Variants in ACOXL observed in about 807,000 individuals in gnomAD.
ACOXL encodes the protein acyl-CoA oxidase like, also known as acyl-coenzyme A oxidase-like protein.
A neutral mutation model predicts 71.9 loss-of-function variants in ACOXL; 70 were observed. The observed-to-expected ratio is 0.97, with a 90% CI of 0.80 to 1.19. The LOEUF is 1.19. ACOXL is among the 50% of genes most tolerant of loss of function. The pLI is 0.00. For synonymous variants in ACOXL, 253 were observed against 281.6 expected, an observed-to-expected ratio of 0.90 and a Z score of 1.02; for missense variants, 703 against 736.3, an observed-to-expected ratio of 0.95 and a Z score of 0.52.
At chr2:110,934,424 G>C (rs2060589219) in intron 12 of ACOXL, among the ~76,000 whole-genome samples, 1 of 152,222 alleles carries the variant, frequency 6.6e-6, no homozygotes, top group East Asian at 1.9e-4. Context: ...AATGGAAGGA[G>C]GGAGCCCCTG....
intron 16 of ACOXL, among the ~76,000 whole-genome samples, chr2:111,078,977 G>T (rs569225949): frequency 6.6e-6 from 1 of 152,146 alleles, no homozygotes; most frequent in Non-Finnish European, 1.5e-5. Flanking sequence ...GCTATGTTCC[G>T]TGTATGCACC....
In ACOXL at chr2:110,768,513, T is replaced by A. The variant is rs7561804; in HGVS notation, c.75+49T>A. The A allele has an allele frequency of 2.4e-3, 2,211 of 924,210 alleles. 1 individual carries two copies. Among genetic ancestry groups the A allele is most frequent in the South Asian group, 6.5e-3 (375 of 57,338 alleles). The allele number at this position is 924,210 out of a possible 1,614,324, so 57.3% of individuals were successfully genotyped here. ...ATGGTTGTGTGTGTGTGTGTGTGTG[T>A]GAGAGAGAGAGAGAGAGAGAGAGAG... is the stretch of plus-strand genomic sequence containing the variant. On this transcript the variant is annotated intron_variant, in intron 2 of 17. Coordinates refer to ENST00000439055, the MANE Select transcript of ACOXL (RefSeq NM_001142807.4).
intron 15 of ACOXL, among the ~76,000 whole-genome samples, chr2:111,034,185 G>T (rs1364726913): frequency 6.6e-6 from 1 of 152,160 alleles, no homozygotes; most frequent in Admixed American, 6.5e-5. Context: ...TAGAGAGCAT[G>T]ATATTTACCT....
intron 16 of ACOXL, among the ~76,000 whole-genome samples, chr2:111,070,317 T>C (rs2067281421): frequency 6.6e-6 from 1 of 152,158 alleles, no homozygotes; most frequent in Non-Finnish European, 1.5e-5. Context: ...TGGTATACTG[T>C]ACAGCCACAA....
chr2:110,787,114 C>T (rs1559260549), intron 3 of ACOXL, among the ~76,000 whole-genome samples: 1 of 152,134 alleles, frequency 6.6e-6, no homozygotes, highest in Non-Finnish European at 1.5e-5. Flanking sequence ...GGACCATGAG[C>T]TGACCATCCT....
In ACOXL at chr2:111,047,246, A is replaced by G. The variant is rs34616145; in HGVS notation, c.1370-1972A>G. On this transcript the variant is annotated intron_variant, in intron 15 of 17. Coordinates refer to ENST00000439055, the MANE Select transcript of ACOXL (RefSeq NM_001142807.4). The stretch of plus-strand genomic sequence containing the variant: ...AGTGGGTGCTATGTCTATGATAACG[A>G]AAAGTATCATAGTGGAGTCCAGTGC... Among the ~76,000 whole-genome samples, 293 of 152,338 alleles carry G rather than the reference A, an allele frequency of 1.9e-3. 1 individual carries two copies. The highest frequency in any genetic ancestry group is 6.8e-3 in the African/African-American group (281 of 41,572).
chr2:110,940,915 T>C (rs1183715619), intron 12 of ACOXL, among the ~76,000 whole-genome samples: 2 of 152,194 alleles, frequency 1.3e-5, no homozygotes, highest in African/African-American at 4.8e-5. Context: ...AACTTTGGAA[T>C]TAAATCATAT....
At chr2:110,848,209 A>G (rs927783275) in intron 10 of ACOXL, among the ~76,000 whole-genome samples, 2 of 152,188 alleles carry the variant, frequency 1.3e-5, no homozygotes, top group Non-Finnish European at 2.9e-5. Context: ...CAAATTTTGT[A>G]AAAATAAACA....
intron 12 of ACOXL, among the ~76,000 whole-genome samples, chr2:110,939,667 A>G (rs2060797023): frequency 6.6e-6 from 1 of 152,258 alleles, no homozygotes; most frequent in Admixed American, 6.5e-5. Context: ...TTGGGAATCA[A>G]GTATTTAAAT....
intron 11 of ACOXL, among the ~76,000 whole-genome samples, chr2:110,924,690 C>G (rs550044476): frequency 6.6e-6 from 1 of 152,200 alleles, no homozygotes; most frequent in East Asian, 1.9e-4. Context: ...CAGTGACTTT[C>G]TCCAATGAAG....
At chr2:110,937,319 G>T (rs1467923468) in intron 12 of ACOXL, among the ~76,000 whole-genome samples, 1 of 152,182 alleles carries the variant, frequency 6.6e-6, no homozygotes. Flanking sequence ...AAGAGGTTTA[G>T]GAACTCTGTG....
intron 9 of ACOXL, among the ~76,000 whole-genome samples, chr2:110,838,224 G>C (rs1305403916): frequency 6.6e-6 from 1 of 152,220 alleles, no homozygotes; most frequent in African/African-American, 2.4e-5. Flanking sequence ...CTAAAAGACT[G>C]CATGTGTGCG....
At chr2:111,049,325 T>C (rs2066168776) in intron 16 of ACOXL, 37 bp downstream of exon 16, 1 of 1,528,948 alleles carries the variant, frequency 6.5e-7, no homozygotes, top group South Asian at 1.1e-5. Flanking sequence ...TCCTAAAGGC[T>C]CAGAGCGTTT....
intron 1 of ACOXL, among the ~76,000 whole-genome samples, chr2:110,749,924 G>A (rs1678705053): frequency 6.6e-6 from 1 of 152,272 alleles, no homozygotes; most frequent in Admixed American, 6.5e-5. Context: ...GTTTTGAAGA[G>A]TACTGGTCAG....
intron 14 of ACOXL, among the ~76,000 whole-genome samples, chr2:111,011,133 T>C (rs2064130724): frequency 6.6e-6 from 1 of 152,158 alleles, no homozygotes; most frequent in Non-Finnish European, 1.5e-5. Context: ...AAAAGTGAAA[T>C]GTATGGCAAA....
intron 11 of ACOXL, among the ~76,000 whole-genome samples, chr2:110,930,951 A>G (rs1052063902): frequency 6.6e-5 from 10 of 152,208 alleles, no homozygotes; most frequent in African/African-American, 2.2e-4. Flanking sequence ...AAACACTAAT[A>G]CAGTTCTAAC....
chr2:110,772,927 G>A (rs1331532977), intron 2 of ACOXL, among the ~76,000 whole-genome samples: 1 of 152,184 alleles, frequency 6.6e-6, no homozygotes, highest in Non-Finnish European at 1.5e-5. Flanking sequence ...CTAAAACAAT[G>A]TGAAACAATG....
intron 7 of ACOXL, among the ~76,000 whole-genome samples, chr2:110,799,342 A>G (rs780542516): frequency 6.6e-6 from 1 of 152,218 alleles, no homozygotes; most frequent in Non-Finnish European, 1.5e-5. Context: ...CAAATTTTCC[A>G]GTAATGAGGT....
At chr2:110,905,258 A>T (rs972833167) in intron 10 of ACOXL, among the ~76,000 whole-genome samples, 1 of 152,158 alleles carries the variant, frequency 6.6e-6, no homozygotes, top group Non-Finnish European at 1.5e-5. Flanking sequence ...GGGAGAGGGC[A>T]TGTGGCTGAG....
Sources: allele counts gnomAD v4.1 joint callset (sites outside exome capture counted in the v4.1 genomes callset), GRCh38; gene constraint gnomAD v4.1.1; transcripts MANE v1.5; gene names NCBI Gene and HGNC (gene_info 2026-07-23, HGNC 2026-07-21).